The following PPARGC1A variants were observed in gnomAD, a reference collection of about 807,000 sequenced individuals.
PPARGC1A encodes the protein peroxisome proliferator-activated receptor gamma coactivator 1-alpha.
A neutral mutation model predicts 88.7 loss-of-function variants in PPARGC1A; 25 were observed. The observed-to-expected ratio is 0.28, with a 90% CI of 0.21 to 0.39. The LOEUF is 0.39. Among genes scored for constraint, PPARGC1A ranks in the 10% least tolerant of loss-of-function variants. The pLI is 1.00. For synonymous variants in PPARGC1A, 363 were observed against 355.6 expected (o/e 1.02, Z -0.24); for missense variants, 880 against 968.7 (o/e 0.91, Z 1.22).
rs1173782426 is a variant in PPARGC1A at position 23,795,052 on chromosome 4, A to AG, written c.*769_*770insC. On this transcript the variant is annotated 3_prime_UTR_variant, in exon 13 of 13. Transcript: ENST00000264867. ...CATGGCAAAAGGAAAAAGAAAAAAA[A>AG]AAGAGAGAGAGAGAGAGAGAGAGAG... The AG allele has an allele frequency of 6.8e-4, 102 of 149,260 alleles. No individual in the cohort carries two copies. The highest frequency in any genetic ancestry group is 2.4e-3 in the African/African-American group (95 of 40,298). The allele number at this position is 149,260 out of a possible 1,614,324, so 9.2% of individuals were successfully genotyped here.
the PPARGC1A span, among the ~76,000 whole-genome samples, chr4:24,022,931 T>C: frequency 6.6e-6 from 1 of 152,176 alleles, no homozygotes; most frequent in Non-Finnish European, 1.5e-5. Context: ...GTACTTGAAA[T>C]TGGGATGAAT....
the PPARGC1A span, among the ~76,000 whole-genome samples, chr4:24,142,751 C>A: frequency 1.3e-5 from 2 of 152,036 alleles, no homozygotes; most frequent in African/African-American, 4.8e-5. Context: ...AACAAGACCT[C>A]AAGGAGATTA....
chr4:24,067,898 T>C, the PPARGC1A span, among the ~76,000 whole-genome samples: 3 of 152,244 alleles, frequency 2.0e-5, no homozygotes, highest in African/African-American at 7.2e-5. Flanking sequence ...GAGAGACATC[T>C]GCCAGTGTCC....
At chr4:24,395,253 T>C in the PPARGC1A span, among the ~76,000 whole-genome samples, 1 of 152,232 alleles carries the variant, frequency 6.6e-6, no homozygotes, top group South Asian at 2.1e-4. Flanking sequence ...TGATTTTTAA[T>C]GAAAGCTAAT....
chr4:24,354,657 C>T, the PPARGC1A span, among the ~76,000 whole-genome samples: 1 of 152,032 alleles, frequency 6.6e-6, no homozygotes, highest in Non-Finnish European at 1.5e-5. Context: ...GAGGCCAAGG[C>T]GTGTGGATCA....
the PPARGC1A span, among the ~76,000 whole-genome samples, chr4:24,282,972 G>T: frequency 6.6e-6 from 1 of 152,166 alleles, no homozygotes; most frequent in South Asian, 2.1e-4. Context: ...TTGATGAAAT[G>T]GCTACAGGTT....
chr4:23,885,606 T>C (rs1716736223), intron 1 of PPARGC1A, among the ~76,000 whole-genome samples: 1 of 152,036 alleles, frequency 6.6e-6, no homozygotes, highest in South Asian at 2.1e-4. Flanking sequence ...ACAAAAATCA[T>C]AATTTTTTTT....
the PPARGC1A span, among the ~76,000 whole-genome samples, chr4:23,938,818 C>T: frequency 6.6e-6 from 1 of 152,168 alleles, no homozygotes; most frequent in Admixed American, 6.5e-5. Flanking sequence ...TTCCTCCCAT[C>T]CCCCTAGGAC....
the PPARGC1A span, among the ~76,000 whole-genome samples, chr4:24,404,741 T>C: frequency 6.6e-6 from 1 of 152,162 alleles, no homozygotes; most frequent in Non-Finnish European, 1.5e-5. Context: ...TGTTGCCAGA[T>C]TTTATATTTT....
At position 23,807,255 on chromosome 4, in the gene PPARGC1A, G is replaced by A. The variant is rs75579749; in HGVS notation, c.2020-4910C>T. 7.7e-3 allele frequency among the ~76,000 whole-genome samples: 1,177 copies of A among 152,232 alleles called. 11 individuals are homozygous for A. The highest frequency in any genetic ancestry group is 0.024 in the African/African-American group (1,010 of 41,548). On this transcript the variant is annotated intron_variant, in intron 10 of 12. Transcript: ENST00000264867. Reference sequence around the variant, plus strand: ...ATACCAAGATTCTAAAAAATGCTGAGAAGTGTTTTTCTTTCTTGCCGTTAA... The same window carrying A: ...ATACCAAGATTCTAAAAAATGCTGAAAAGTGTTTTTCTTTCTTGCCGTTAA...
At chr4:24,436,725 G>A in the PPARGC1A span, among the ~76,000 whole-genome samples, 1 of 136,898 alleles carries the variant, frequency 7.3e-6, no homozygotes, top group Non-Finnish European at 1.5e-5. Flanking sequence ...GACATCGATT[G>A]GCCACCCCAG....
At chr4:23,832,245 CTTTCATGG>C (rs1173169410) in intron 2 of PPARGC1A, among the ~76,000 whole-genome samples, 9 of 152,152 alleles carry the variant, frequency 5.9e-5, no homozygotes, top group African/African-American at 2.2e-4. Flanking sequence ...CAACTATACA[CTTTCATGG>C]TTTCAATTAT....
the PPARGC1A span, among the ~76,000 whole-genome samples, chr4:24,011,115 T>C: frequency 6.6e-6 from 1 of 152,182 alleles, no homozygotes; most frequent in Non-Finnish European, 1.5e-5. Flanking sequence ...CTGCTACCTG[T>C]AAAACTGCAG....
chr4:24,441,801 G>A, the PPARGC1A span, among the ~76,000 whole-genome samples: 1 of 152,204 alleles, frequency 6.6e-6, no homozygotes, highest in African/African-American at 2.4e-5. Flanking sequence ...GGAGAAGGGA[G>A]GCAGAAACTC....
At chr4:24,058,156 G>A in the PPARGC1A span, among the ~76,000 whole-genome samples, 1 of 152,202 alleles carries the variant, frequency 6.6e-6, no homozygotes, top group Non-Finnish European at 1.5e-5. Context: ...TGGCCTGGGG[G>A]CCGGCCCATC....
the PPARGC1A span, among the ~76,000 whole-genome samples, chr4:24,259,150 T>C: frequency 1.3e-5 from 2 of 152,200 alleles, no homozygotes; most frequent in African/African-American, 4.8e-5. Context: ...GTTCTGTGTA[T>C]GAGCCATACT....
At chr4:24,391,472 T>C in the PPARGC1A span, among the ~76,000 whole-genome samples, 4 of 152,178 alleles carry the variant, frequency 2.6e-5, no homozygotes, top group African/African-American at 7.2e-5. Context: ...TCTAACTTTA[T>C]TGGTTCTGGT....
chr4:23,825,961 C>G (rs1723857363), intron 5 of PPARGC1A, among the ~76,000 whole-genome samples: 1 of 152,158 alleles, frequency 6.6e-6, no homozygotes, highest in African/African-American at 2.4e-5. Flanking sequence ...ATAATTCATA[C>G]AACTTCCATA....
chr4:24,383,533 T>G, the PPARGC1A span, among the ~76,000 whole-genome samples: 1 of 152,076 alleles, frequency 6.6e-6, no homozygotes, highest in Admixed American at 6.6e-5. Context: ...AGAACATAAA[T>G]GACCTGATGG....
Sources: gnomAD v4.1 joint callset for allele counts (sites outside exome capture counted in the v4.1 genomes callset) on GRCh38, gnomAD v4.1.1 for gene constraint, MANE v1.5 for transcripts, NCBI Gene and HGNC (gene_info 2026-07-23, HGNC 2026-07-21) for gene names.